NRG3: variants seen among roughly 807,000 people sequenced by gnomAD.
NRG3 encodes the protein neuregulin 3, also known as pro-neuregulin-3, membrane-bound isoform.
A neutral mutation model predicts 66.9 loss-of-function variants in NRG3; 31 were observed. The observed-to-expected ratio is 0.46, with a 90% CI of 0.35 to 0.63. NRG3 has a LOEUF of 0.63. NRG3 is among the 20% of genes least tolerant of loss of function. The pLI, the probability that NRG3 is intolerant of heterozygous loss-of-function variation, is 0.00. For missense variants in NRG3, 910 were observed against 878.9 expected, an observed-to-expected ratio of 1.04 and a Z score of -0.45; for synonymous variants, 393 against 359.4, an observed-to-expected ratio of 1.09 and a Z score of -1.06.
intron 2 of NRG3, among the ~76,000 whole-genome samples, chr10:82,677,147 G>T (rs764610280): frequency 6.6e-6 from 1 of 150,744 alleles, no homozygotes; most frequent in Non-Finnish European, 1.5e-5. Context: ...ACAATCTCGG[G>T]CTCAAGCTAT....
intron 2 of NRG3, among the ~76,000 whole-genome samples, chr10:82,608,206 TTG>T (rs1197180110): frequency 6.6e-6 from 1 of 152,206 alleles, no homozygotes; most frequent in Non-Finnish European, 1.5e-5. Context: ...AGATTTTAGC[TTG>T]GTGGGTTTTT....
intron 1 of NRG3, among the ~76,000 whole-genome samples, chr10:82,097,573 A>G (rs1451004890): frequency 1.3e-5 from 2 of 151,634 alleles, no homozygotes; most frequent in Non-Finnish European, 2.9e-5. Flanking sequence ...GCTCTTATGC[A>G]CATTAGCATA....
chr10:82,345,108 T>G (rs2082926325), intron 1 of NRG3, among the ~76,000 whole-genome samples: 1 of 136,394 alleles, frequency 7.3e-6, no homozygotes, highest in Non-Finnish European at 1.5e-5. Flanking sequence ...TTGCCATTGC[T>G]TTTGGTGTTT....
At chr10:82,519,071 A>C (rs956063475) in intron 2 of NRG3, among the ~76,000 whole-genome samples, 2 of 152,126 alleles carry the variant, frequency 1.3e-5, no homozygotes, top group Non-Finnish European at 2.9e-5. Context: ...CCTACTAAAC[A>C]ATTTTGTCTA....
chr10:81,992,439 C>T (rs1007566062), intron 1 of NRG3, among the ~76,000 whole-genome samples: 1 of 152,078 alleles, frequency 6.6e-6, no homozygotes, highest in African/African-American at 2.4e-5. Context: ...TTGGCCATGT[C>T]TCCTTTTGCT....
rs79321420 is a variant in NRG3, at chr10:82,782,028, T to C, written c.1027+43378T>C. Among the ~76,000 whole-genome samples the C allele has an allele frequency of 3.9e-3, 597 of 152,286 alleles. 3 individuals are homozygous for C. Among genetic ancestry groups the C allele is most frequent in the African/African-American group, 0.014 (579 of 41,568 alleles). Reference sequence around the variant, plus strand: ...CCATTGAGAAGCACTTTCAGATTTTTAGATGTATCATCTTTTTCCACCTTG... The same window carrying C: ...CCATTGAGAAGCACTTTCAGATTTTCAGATGTATCATCTTTTTCCACCTTG... On this transcript the variant is annotated intron_variant, in intron 3 of 8. Coordinates refer to ENST00000372141, the MANE Select transcript of NRG3 (RefSeq NM_001010848.4).
intron 2 of NRG3, among the ~76,000 whole-genome samples, chr10:82,375,539 A>AAAAG (rs1008977741): frequency 4.6e-5 from 7 of 151,044 alleles, no homozygotes; most frequent in African/African-American, 1.7e-4. Flanking sequence ...TCCATCTCAA[A>AAAAG]AAAAAAAAAA....
chr10:82,322,618 C>T (rs571079574), intron 1 of NRG3, among the ~76,000 whole-genome samples: 1 of 151,968 alleles, frequency 6.6e-6, no homozygotes, highest in African/African-American at 2.4e-5. Flanking sequence ...CATTGATTTG[C>T]TTTCCAGCTC....
chr10:82,965,799 C>G (rs1202473445), intron 6 of NRG3, among the ~76,000 whole-genome samples: 1 of 151,992 alleles, frequency 6.6e-6, no homozygotes, highest in Non-Finnish European at 1.5e-5. Flanking sequence ...TGATCATGGT[C>G]AGTCAGGCTA....
intron 1 of NRG3, among the ~76,000 whole-genome samples, chr10:82,345,605 T>G (rs1325431466): frequency 6.6e-6 from 1 of 150,636 alleles, no homozygotes; most frequent in Non-Finnish European, 1.5e-5. Flanking sequence ...GTGAAGAAAG[T>G]CATTGGTAGC....
At chr10:82,496,848 C>G (rs1843676079) in intron 2 of NRG3, among the ~76,000 whole-genome samples, 2 of 152,128 alleles carry the variant, frequency 1.3e-5, no homozygotes, top group Admixed American at 6.5e-5. Flanking sequence ...GAATTAGAGA[C>G]TCCAAGGATT....
chr10:82,853,641 C>T (rs1162815540), intron 3 of NRG3, among the ~76,000 whole-genome samples: 1 of 151,952 alleles, frequency 6.6e-6, no homozygotes, highest in Non-Finnish European at 1.5e-5. Context: ...GATTTGTGTA[C>T]ATTAATTTTG....
chr10:82,721,710 A>C lies in NRG3; in HGVS notation c.954-16867A>C, dbSNP rs747306323. Among the ~76,000 whole-genome samples, 12 of 152,220 alleles carry C rather than the reference A, an allele frequency of 7.9e-5. 1 individual carries two copies. The highest frequency in any genetic ancestry group is 1.6e-4 in the Non-Finnish European group (11 of 68,038). ...AATGCTGGGATTACAGGCGTGAGCT[A>C]CCACACCCAGTTCTTATTTGTTTTA... On this transcript the variant is annotated intron_variant, in intron 2 of 8. Transcript: ENST00000372141.
chr10:81,934,195 A>G (rs1847650680), intron 1 of NRG3, among the ~76,000 whole-genome samples: 2 of 152,224 alleles, frequency 1.3e-5, no homozygotes, highest in African/African-American at 4.8e-5. Flanking sequence ...ATTGCAGATT[A>G]TACTGTTCAT....
At chr10:82,608,334 A>G (rs941589815) in intron 2 of NRG3, among the ~76,000 whole-genome samples, 8 of 151,702 alleles carry the variant, frequency 5.3e-5, no homozygotes, top group Admixed American at 2.6e-4. Flanking sequence ...TTTTTTCAAG[A>G]TTTTTCTCTT....
At chr10:82,068,691 G>C (rs1324516025) in intron 1 of NRG3, among the ~76,000 whole-genome samples, 1 of 152,178 alleles carries the variant, frequency 6.6e-6, no homozygotes, top group Non-Finnish European at 1.5e-5. Context: ...ACCAGAGGGA[G>C]CGGGCAGGGA....
chr10:82,182,193 A>ACT (rs35674692), intron 1 of NRG3, among the ~76,000 whole-genome samples: 12,758 of 149,798 alleles, frequency 0.085, 827 homozygotes, highest in East Asian at 0.22. Context: ...TTTTTAATCT[A>ACT]CTCTGCCACT....
chr10:82,485,214 A>C (rs1468634575), intron 2 of NRG3, among the ~76,000 whole-genome samples: 1 of 152,012 alleles, frequency 6.6e-6, no homozygotes, highest in Non-Finnish European at 1.5e-5. Context: ...CCCTGCTCTA[A>C]CCAAATAGTC....
chr10:82,688,034 T>C (rs2054643420), intron 2 of NRG3, among the ~76,000 whole-genome samples: 1 of 152,234 alleles, frequency 6.6e-6, no homozygotes, highest in African/African-American at 2.4e-5. Flanking sequence ...GAACTCACCA[T>C]GAACACTCAT....
Sources: allele counts gnomAD v4.1 joint callset (sites outside exome capture counted in the v4.1 genomes callset), GRCh38; gene constraint gnomAD v4.1.1; transcripts MANE v1.5; gene names NCBI Gene and HGNC (gene_info 2026-07-23, HGNC 2026-07-21).